LRRFIP2: variants seen among roughly 807,000 people sequenced by gnomAD.
LRRFIP2 encodes the protein LRR binding FLII interacting protein 2, also known as leucine-rich repeat flightless-interacting protein 2.
LRRFIP2 carries 109 observed loss-of-function variants against 125.9 expected under a neutral mutation model. The ratio of observed to expected loss-of-function variants is 0.87; its 90% CI spans 0.74 to 1.01. The LOEUF (loss-of-function observed/expected upper bound fraction) is 1.01, where lower values mean the gene tolerates loss of function less well. Among genes scored for constraint, LRRFIP2 ranks in the 50% least tolerant of loss-of-function variants. LRRFIP2 has a pLI of 0.00. For synonymous variants in LRRFIP2, 291 were observed against 293.1 expected (o/e 0.99, Z 0.07); for missense variants, 850 against 862.3 (o/e 0.99, Z 0.18).
At chr3:37,162,363 A>G (rs2096371914) in intron 1 of LRRFIP2, among the ~76,000 whole-genome samples, 1 of 152,148 alleles carries the variant, frequency 6.6e-6, no homozygotes, top group African/African-American at 2.4e-5. Flanking sequence ...TCCACAGGGT[A>G]GGAAAGTCAG....
chr3:37,159,275 T>G (rs965825555), intron 1 of LRRFIP2, among the ~76,000 whole-genome samples: 1 of 152,188 alleles, frequency 6.6e-6, no homozygotes, highest in Non-Finnish European at 1.5e-5. Context: ...TTGCCACCCT[T>G]GTCAAAAATC....
intron 1 of LRRFIP2, among the ~76,000 whole-genome samples, chr3:37,164,908 G>C (rs1180228015): frequency 2.6e-5 from 4 of 151,996 alleles, no homozygotes. Flanking sequence ...AGGTTATACA[G>C]GATGCTACTC....
chr3:37,076,769 G>A (rs1353345426), intron 19 of LRRFIP2, among the ~76,000 whole-genome samples: 1 of 152,070 alleles, frequency 6.6e-6, no homozygotes, highest in Non-Finnish European at 1.5e-5. Context: ...GGGAGGCTGA[G>A]GCAGGAGAAT....
chr3:37,145,961 T>A (rs73827219), intron 2 of LRRFIP2, among the ~76,000 whole-genome samples: 7 of 152,348 alleles, frequency 4.6e-5, no homozygotes, highest in South Asian at 2.1e-4. Flanking sequence ...AAGGATTAAA[T>A]GAATTAATGC....
intron 4 of LRRFIP2, among the ~76,000 whole-genome samples, chr3:37,124,338 A>G (rs114334560): frequency 0.017 from 2,576 of 152,332 alleles, 76 homozygotes; most frequent in African/African-American, 0.058. Flanking sequence ...AGGCAAGCTC[A>G]AGGCAAATTT....
rs1479163484 is a variant in LRRFIP2, at chr3:37,121,657, G to GA, written c.262dup (p.Ser88PhefsTer11). On this transcript the variant is annotated frameshift_variant, in exon 5 of 28. Coordinates refer to ENST00000336686, the MANE Select transcript of LRRFIP2 (RefSeq NM_006309.4). LOFTEE classifies it high-confidence loss of function. ...AACCAGATAAGGACGATGGTGACTG[G>GA]ACCGGTGGGAATACCTGGCCCTTTC... 1.9e-6 allele frequency: 3 copies of GA among 1,614,198 alleles called. No individual in the cohort carries two copies. Among genetic ancestry groups the GA allele is most frequent in the Non-Finnish European group, 2.5e-6 (3 of 1,180,028 alleles).
At chr3:37,165,578 C>T (rs1232394151) in intron 1 of LRRFIP2, among the ~76,000 whole-genome samples, 2 of 151,708 alleles carry the variant, frequency 1.3e-5, no homozygotes, top group African/African-American at 4.8e-5. Flanking sequence ...CCAGTGAAAC[C>T]CTGTCTCTAC....
chr3:37,142,995 C>T (rs1182954667), intron 2 of LRRFIP2, among the ~76,000 whole-genome samples: 2 of 152,136 alleles, frequency 1.3e-5, no homozygotes, highest in South Asian at 2.1e-4. Flanking sequence ...GTGCTTTCAA[C>T]ACAACAGTAA....
At chr3:37,125,921 G>A (rs1019571048) in intron 4 of LRRFIP2, among the ~76,000 whole-genome samples, 1 of 152,154 alleles carries the variant, frequency 6.6e-6, no homozygotes, top group South Asian at 2.1e-4. Context: ...AGATAAATGA[G>A]CAGAAGAATC....
chr3:37,084,243 T>C (rs1175718931), intron 18 of LRRFIP2, among the ~76,000 whole-genome samples: 2 of 152,218 alleles, frequency 1.3e-5, no homozygotes, highest in Non-Finnish European at 2.9e-5. Flanking sequence ...TTTTGCCACT[T>C]TCTAGACAGT....
chr3:37,172,533 A>T (rs1437006148), intron 1 of LRRFIP2, among the ~76,000 whole-genome samples: 2 of 152,140 alleles, frequency 1.3e-5, no homozygotes, highest in Non-Finnish European at 2.9e-5. Flanking sequence ...TTCATCATAT[A>T]CCACCTTTTA....
At chr3:37,084,755 T>C (rs1211817265) in intron 18 of LRRFIP2, among the ~76,000 whole-genome samples, 2 of 152,080 alleles carry the variant, frequency 1.3e-5, no homozygotes, top group Non-Finnish European at 2.9e-5. Context: ...GCCTGGAACG[T>C]TACATATCTC....
chr3:37,115,315 GTTTA>G (rs1362339403), intron 6 of LRRFIP2, among the ~76,000 whole-genome samples: 1 of 152,108 alleles, frequency 6.6e-6, no homozygotes, highest in African/African-American at 2.4e-5. Flanking sequence ...AAAACTGTAT[GTTTA>G]TTTTTCTTTT....
At chr3:37,131,326 C>T (rs2095422805) in intron 2 of LRRFIP2, among the ~76,000 whole-genome samples, 1 of 152,158 alleles carries the variant, frequency 6.6e-6, no homozygotes, top group African/African-American at 2.4e-5. Flanking sequence ...TCCCCAGTCC[C>T]TCTTTCATAA....
chr3:37,066,035 G>A, intron 22 of LRRFIP2, 93 bp from the exon 23 acceptor site: 1 of 1,524,880 alleles, frequency 6.6e-7, no homozygotes. Flanking sequence ...TTTGCTACAG[G>A]TAAAACCTGG....
rs922948335 is a variant in LRRFIP2, at chr3:37,060,209, C to G, written c.1750-1299G>C. Among the ~76,000 whole-genome samples the G allele has an allele frequency of 2.6e-5, 4 of 152,198 alleles. No homozygotes were observed. The highest frequency in any genetic ancestry group is 4.4e-5 in the Non-Finnish European group (3 of 68,042). ...ATCATCAGCAAACACCCTCTGTCCT[C>G]AGTCTTTTCTGAGCATCCCCCCTTT... On this transcript the variant is annotated intron_variant, in intron 24 of 27. Transcript: ENST00000336686. This position sits in a 1 kb window ranked among gnomAD's most constrained non-coding sequence, Gnocchi z 4.1.
intron 24 of LRRFIP2, among the ~76,000 whole-genome samples, chr3:37,061,394 CTTTTTCTTTTTT>C (rs1489956201): frequency 6.6e-6 from 1 of 150,754 alleles, no homozygotes; most frequent in Non-Finnish European, 1.5e-5. Flanking sequence ...TTTTCTTTTT[CTTTTTCTTTTTT>C]CCTTTTTTTT....
intron 6 of LRRFIP2, 56 bp downstream of exon 6, chr3:37,121,436 A>G (rs1576959287): frequency 4.0e-6 from 6 of 1,509,450 alleles, no homozygotes; most frequent in Non-Finnish European, 5.5e-6. Context: ...AGGCAACATT[A>G]TTGAAGAAAG....
At chr3:37,160,307 GA>G (rs1323225016) in intron 1 of LRRFIP2, among the ~76,000 whole-genome samples, 1 of 152,002 alleles carries the variant, frequency 6.6e-6, no homozygotes, top group African/African-American at 2.4e-5. Flanking sequence ...GGTCAAAATT[GA>G]CCAACCCCAC....
Sources: gnomAD v4.1 joint callset for allele counts (sites outside exome capture counted in the v4.1 genomes callset) on GRCh38, gnomAD v4.1.1 for gene constraint, Gnocchi (gnomAD v3.1) non-coding constraint, MANE v1.5 for transcripts, NCBI Gene and HGNC (gene_info 2026-07-23, HGNC 2026-07-21) for gene names.